Variants in TTC28 observed in about 807,000 individuals in gnomAD.
TTC28 encodes the protein tetratricopeptide repeat domain 28, also known as tetratricopeptide repeat protein 28.
TTC28 carries 61 observed loss-of-function variants against 198.0 expected under a neutral mutation model. The observed-to-expected ratio is 0.31, with a 90% CI of 0.25 to 0.38. The LOEUF (loss-of-function observed/expected upper bound fraction) is 0.38, where lower values mean the gene tolerates loss of function less well. Ranked by LOEUF, TTC28 falls within the 10% of genes least tolerant of loss-of-function variation. The pLI is 1.00. For missense variants in TTC28, 2,678 were observed against 3,164.0 expected, an observed-to-expected ratio of 0.85 and a Z score of 3.69; for synonymous variants, 1,171 against 1,297.8, an observed-to-expected ratio of 0.90 and a Z score of 2.10.
chr22:28,566,505 A>G (rs2049972235), intron 2 of TTC28, among the ~76,000 whole-genome samples: 1 of 152,216 alleles, frequency 6.6e-6, no homozygotes, highest in Non-Finnish European at 1.5e-5. Flanking sequence ...GATTAGAGCC[A>G]CTACAAAAAA....
chr22:28,261,345 C>CG (rs1931304367), intron 5 of TTC28, among the ~76,000 whole-genome samples: 1 of 152,074 alleles, frequency 6.6e-6, no homozygotes, highest in East Asian at 1.9e-4. Context: ...GTGCAGGAAT[C>CG]GGGAAAATAT....
At chr22:28,045,594 C>A (rs1401923453) in intron 12 of TTC28, among the ~76,000 whole-genome samples, 1 of 152,164 alleles carries the variant, frequency 6.6e-6, no homozygotes, top group African/African-American at 2.4e-5. Flanking sequence ...GGACATTTTT[C>A]TTTTTTGAAT....
intron 21 of TTC28, among the ~76,000 whole-genome samples, chr22:27,986,593 C>G (rs545881962): frequency 1.4e-4 from 22 of 152,306 alleles, no homozygotes; most frequent in Middle Eastern, 6.8e-3. Context: ...TACGATGCCA[C>G]ACCCTCTCCT....
intron 5 of TTC28, among the ~76,000 whole-genome samples, chr22:28,164,125 G>C (rs972594788): frequency 6.6e-6 from 1 of 152,210 alleles, no homozygotes; most frequent in Admixed American, 6.5e-5. Context: ...CAAGGCTTGA[G>C]TAGGTAAACA....
chr22:27,987,608 C>T (rs1211032105), intron 21 of TTC28, among the ~76,000 whole-genome samples: 5 of 152,142 alleles, frequency 3.3e-5, no homozygotes. Flanking sequence ...TGGTGCATGC[C>T]TCAAGTCCCA....
intron 2 of TTC28, among the ~76,000 whole-genome samples, chr22:28,322,176 G>C (rs1362507351): frequency 1.3e-5 from 2 of 152,088 alleles, no homozygotes; most frequent in African/African-American, 2.4e-5. Context: ...TGATAGGAAG[G>C]AGTGTTTCAT....
At chr22:28,525,476 G>C (rs2048989299) in intron 2 of TTC28, among the ~76,000 whole-genome samples, 1 of 152,100 alleles carries the variant, frequency 6.6e-6, no homozygotes, top group Non-Finnish European at 1.5e-5. Flanking sequence ...GTTTTCATTA[G>C]TTATTCCCTA....
chr22:28,257,778 A>C (rs1014418901), intron 5 of TTC28, among the ~76,000 whole-genome samples: 66 of 130,984 alleles, frequency 5.0e-4, no homozygotes, highest in Middle Eastern at 8.4e-3. Flanking sequence ...ATATATATAT[A>C]TATCTTCTAC....
Position 27,983,448 on chromosome 22 carries a change from G to A in TTC28, c.6219C>T (p.Asn2073=). The A allele has an allele frequency of 6.5e-7, 1 of 1,546,642 alleles. No individual in the cohort carries two copies. The highest frequency in any genetic ancestry group is 8.7e-7 in the Non-Finnish European group (1 of 1,145,884). The change falls in exon 23 of 23, where the codon AAC becomes AAT. Residue 2073 remains asparagine, a synonymous_variant. Transcript: ENST00000397906. ...SNEPLATYQE[N]RNTCFSPDHK... ...GGTCTGGTGAGAAGCATGTGTTTCG[G>A]TTTTCTTGGTAGGTCGCCAAGGGCT... is the stretch of plus-strand genomic sequence containing the variant.
chr22:28,108,346 T>C lies in TTC28; in HGVS notation c.1499A>G (p.His500Arg). 6.7e-7 allele frequency: 1 copy of C among 1,490,122 alleles called. No homozygotes were observed. The highest frequency in any genetic ancestry group is 9.0e-7 in the Non-Finnish European group (1 of 1,114,102). The allele number at this position is 1,490,122 out of a possible 1,614,324, so 92.3% of individuals were successfully genotyped here. A position where few individuals can be genotyped will look rare whatever the true frequency, so the allele number is the denominator to read the frequency against. ...YDTALKLHKT[H>R]LCIAQELSDY... ...ACTCAGCTCCTGGGCAATGCACAGG[T>C]GGGTCTTGTGGAGTTTCAGTGCAGT... is the stretch of plus-strand genomic sequence containing the variant. The change falls in exon 7 of 23, where the codon CAC becomes CGC. Residue 500 changes from histidine (H) to arginine (R), a missense_variant. His to Arg is a conservative substitution (Grantham distance 29, BLOSUM62 0). This residue lies in a region of TTC28 where 775 missense variants were observed against 845.9 expected (regional missense o/e 0.92). Coordinates refer to ENST00000397906, the MANE Select transcript of TTC28 (RefSeq NM_001145418.2).
chr22:28,594,213 C>T (rs1306809983), intron 2 of TTC28, among the ~76,000 whole-genome samples: 1 of 150,170 alleles, frequency 6.7e-6, no homozygotes, highest in Non-Finnish European at 1.5e-5. Context: ...TCTCTCATTC[C>T]CTGAGACCTA....
intron 5 of TTC28, among the ~76,000 whole-genome samples, chr22:28,242,590 C>T (rs966067819): frequency 6.6e-6 from 1 of 152,004 alleles, no homozygotes; most frequent in African/African-American, 2.4e-5. Flanking sequence ...GAACTCTAAG[C>T]CTTGAATTAA....
intron 5 of TTC28, among the ~76,000 whole-genome samples, chr22:28,290,819 G>C (rs1490594977): frequency 6.6e-6 from 1 of 152,000 alleles, no homozygotes; most frequent in Non-Finnish European, 1.5e-5. Context: ...GGCTGAGGTG[G>C]GAGGATCAAT....
chr22:28,210,936 T>C (rs1210163676), intron 5 of TTC28, among the ~76,000 whole-genome samples: 1 of 152,152 alleles, frequency 6.6e-6, no homozygotes, highest in Non-Finnish European at 1.5e-5. Flanking sequence ...ACAGCTGATC[T>C]CAGGACAGAA....
intron 12 of TTC28, among the ~76,000 whole-genome samples, chr22:28,041,111 T>C (rs1377903862): frequency 6.6e-6 from 1 of 152,206 alleles, no homozygotes; most frequent in Middle Eastern, 3.2e-3. Flanking sequence ...GAACATTCCA[T>C]GCTCATGGAT....
intron 1 of TTC28, among the ~76,000 whole-genome samples, chr22:28,660,055 A>G (rs2051718138): frequency 6.6e-6 from 1 of 152,194 alleles, no homozygotes; most frequent in African/African-American, 2.4e-5. Context: ...TTGGCCTCCC[A>G]AAGTACTAGG....
chr22:28,397,684 T>C (rs938948702), intron 2 of TTC28, among the ~76,000 whole-genome samples: 2 of 152,222 alleles, frequency 1.3e-5, no homozygotes, highest in Non-Finnish European at 2.9e-5. Context: ...AAAATTCTAG[T>C]ATTAGAAAAT....
At chr22:28,334,303 A>G (rs1172507033) in intron 2 of TTC28, among the ~76,000 whole-genome samples, 1 of 152,086 alleles carries the variant, frequency 6.6e-6, no homozygotes, top group East Asian at 1.9e-4. Flanking sequence ...ATAGTGCCAC[A>G]ATAAACATAT....
chr22:27,992,613 C>T lies in TTC28; in HGVS notation c.5527G>A (p.Glu1843Lys), dbSNP rs1372027822. 7 of 1,551,468 alleles carry T rather than the reference C, an allele frequency of 4.5e-6. No individual in the cohort carries two copies. The highest frequency in any genetic ancestry group is 2.7e-5 in the African/African-American group (2 of 73,024). ...QALCKLITAS[E>K]TGEQLISRAV... ...CGGCTGATGAGCTGCTCGCCCGTCT[C>T]GGAGGCAGTGATGAGTTTGCAAAGG... Residue 1843 changes from glutamate (E) to lysine (K), a missense_variant, in exon 19 of 23, where the codon GAG becomes AAG. Glu to Lys is a moderately conservative substitution (Grantham distance 56, BLOSUM62 1). Around this residue, in one of 8 missense-constraint regions of TTC28, gnomAD observed 314 missense variants for 442.7 expected, o/e 0.71. Transcript: ENST00000397906.
Sources: allele counts gnomAD v4.1 joint callset (sites outside exome capture counted in the v4.1 genomes callset), GRCh38; gene constraint gnomAD v4.1.1; regional missense constraint gnomAD v4.1.1; transcripts MANE v1.5; gene names NCBI Gene and HGNC (gene_info 2026-07-23, HGNC 2026-07-21).